The following TEAD1 variants were observed in gnomAD, a reference collection of about 807,000 sequenced individuals.
TEAD1 encodes TEA domain transcription factor 1, also known as transcriptional enhancer factor TEF-1.
TEAD1 carries 9 observed loss-of-function variants against 54.9 expected under a neutral mutation model. The observed-to-expected ratio is 0.16, with a 90% confidence interval of 0.10 to 0.29. The LOEUF is 0.29. TEAD1 is among the 10% of genes least tolerant of loss of function. The pLI, the probability that TEAD1 is intolerant of heterozygous loss-of-function variation, is 1.00. For missense variants in TEAD1, 387 were observed against 535.9 expected (o/e 0.72, Z 2.74); for synonymous variants, 200 against 187.8 (o/e 1.07, Z -0.53).
At chr11:12,742,306 G>T (rs887476518) in intron 2 of TEAD1, among the ~76,000 whole-genome samples, 4 of 152,150 alleles carry the variant, frequency 2.6e-5, no homozygotes, top group Admixed American at 2.6e-4. Flanking sequence ...GAATAACAGA[G>T]ATAGTAATAT....
At chr11:12,916,825 G>A (rs1589987237) in intron 10 of TEAD1, among the ~76,000 whole-genome samples, 2 of 152,314 alleles carry the variant, frequency 1.3e-5, no homozygotes, top group South Asian at 2.1e-4. Flanking sequence ...TGAATCTTGG[G>A]AAGCAAACAG....
intron 3 of TEAD1, among the ~76,000 whole-genome samples, chr11:12,821,757 C>A (rs930186507): frequency 6.6e-6 from 1 of 151,896 alleles, no homozygotes; most frequent in African/African-American, 2.4e-5. Context: ...AACCTATGGC[C>A]GGATATGAAT....
chr11:12,854,755 C>T (rs1947338574), intron 3 of TEAD1, among the ~76,000 whole-genome samples: 2 of 138,618 alleles, frequency 1.4e-5, no homozygotes, highest in Non-Finnish European at 3.1e-5. Context: ...CCAAGCCTGG[C>T]TGATTTTTTT....
chr11:12,691,903 T>G (rs542249392), intron 2 of TEAD1, among the ~76,000 whole-genome samples: 1 of 152,362 alleles, frequency 6.6e-6, no homozygotes, highest in Non-Finnish European at 1.5e-5. Context: ...TTTGTACTTC[T>G]TCTCCAAAGT....
rs756715430 is a variant in TEAD1 at position 12,903,046 on chromosome 11, G to A, written c.873+933G>A. Reference sequence around the variant, plus strand: ...CCCCCTTCCTCTGGGCTCTGCCTCAGGGGGCCTTATTCATATAGTGGCTTC... The same window carrying A: ...CCCCCTTCCTCTGGGCTCTGCCTCAAGGGGCCTTATTCATATAGTGGCTTC... On this transcript the variant is annotated intron_variant, in intron 10 of 12. Transcript: ENST00000527636. Among the ~76,000 whole-genome samples the A allele has an allele frequency of 4.6e-5, 7 of 152,168 alleles. No individual in the cohort carries two copies. In the East Asian group the frequency reaches 1.3e-3, roughly 29 times the overall value.
chr11:12,725,633 T>G (rs925947790), intron 2 of TEAD1, among the ~76,000 whole-genome samples: 5 of 152,060 alleles, frequency 3.3e-5, no homozygotes, highest in African/African-American at 1.2e-4. Flanking sequence ...TTAAAAAATA[T>G]GTGAGTGAAT....
Position 12,879,770 on chromosome 11 carries a change from C to T in TEAD1, c.393C>T (p.Val131=). 1 of 1,614,190 alleles carries T rather than the reference C, an allele frequency of 6.2e-7. No homozygotes were observed. Among genetic ancestry groups the T allele is most frequent in the Non-Finnish European group, 8.5e-7 (1 of 1,180,052 alleles). ...CGGCCATGTCCTCAGCCCAGATCGTCTCGGCCACTGCCATTCATAACAAGC... is the reference window on the plus strand; with the variant it reads ...CGGCCATGTCCTCAGCCCAGATCGTTTCGGCCACTGCCATTCATAACAAGC... Residue 131 remains valine (V), a synonymous_variant, in exon 6 of 13, where the codon GTC becomes GTT. Transcript: ENST00000527636.
intron 2 of TEAD1, among the ~76,000 whole-genome samples, chr11:12,723,136 T>C (rs1456948026): frequency 6.6e-6 from 1 of 152,212 alleles, no homozygotes; most frequent in Non-Finnish European, 1.5e-5. Flanking sequence ...GCTAAATTGC[T>C]TTCCAAAAGG....
intron 2 of TEAD1, among the ~76,000 whole-genome samples, chr11:12,752,144 T>G (rs998272025): frequency 6.6e-6 from 1 of 151,410 alleles, no homozygotes; most frequent in Admixed American, 6.6e-5. Flanking sequence ...AAAAGGCAAA[T>G]GTATTCAGAG....
intron 3 of TEAD1, among the ~76,000 whole-genome samples, chr11:12,840,222 G>C (rs1412684053): frequency 7.3e-6 from 1 of 136,864 alleles, no homozygotes; most frequent in East Asian, 2.2e-4. Context: ...ACTCCAGCCT[G>C]GGCGACAGAG....
In TEAD1 at chr11:12,800,399, A is replaced by G. The variant is rs572712807; in HGVS notation, c.202+35965A>G. On this transcript the variant is annotated intron_variant, in intron 3 of 12. Coordinates refer to ENST00000527636, the MANE Select transcript of TEAD1 (RefSeq NM_021961.6). ...ACAGCTATGTGCCAGGTACTGTGGT[A>G]GGTGCTCTGGAGAGAAATACAAATT... Among the ~76,000 whole-genome samples the G allele has an allele frequency of 1.4e-4, 22 of 152,336 alleles. 1 individual carries two copies. The East Asian group carries it at 4.0e-3, about 28-fold the overall frequency.
At chr11:12,770,993 T>C (rs1945300274) in intron 3 of TEAD1, among the ~76,000 whole-genome samples, 1 of 152,184 alleles carries the variant, frequency 6.6e-6, no homozygotes, top group East Asian at 1.9e-4. Flanking sequence ...ATGGACCCTT[T>C]CCCCCAGAAA....
intron 2 of TEAD1, among the ~76,000 whole-genome samples, chr11:12,722,360 T>C (rs935382776): frequency 1.3e-5 from 2 of 152,158 alleles, no homozygotes; most frequent in Non-Finnish European, 2.9e-5. Flanking sequence ...GTGCACACCA[T>C]GCACTGAGCC....
At chr11:12,705,629 G>GCCC (rs1943797631) in intron 2 of TEAD1, among the ~76,000 whole-genome samples, 1 of 152,212 alleles carries the variant, frequency 6.6e-6, no homozygotes, top group African/African-American at 2.4e-5. Context: ...AGGTAAGATT[G>GCCC]CAGGAATGAT....
At chr11:12,868,238 A>C (rs1436122590) in intron 5 of TEAD1, among the ~76,000 whole-genome samples, 1 of 152,190 alleles carries the variant, frequency 6.6e-6, no homozygotes, top group East Asian at 1.9e-4. Context: ...AGCAAAACTC[A>C]TGTTTTGAAT....
At chr11:12,703,311 A>G (rs1203421631) in intron 2 of TEAD1, among the ~76,000 whole-genome samples, 7 of 152,132 alleles carry the variant, frequency 4.6e-5, no homozygotes, top group Non-Finnish European at 1.0e-4. Context: ...CTGACAATAC[A>G]TGTAACATAG....
intron 3 of TEAD1, among the ~76,000 whole-genome samples, chr11:12,818,939 G>C (rs1489157792): frequency 6.6e-6 from 1 of 152,178 alleles, no homozygotes; most frequent in Non-Finnish European, 1.5e-5. Flanking sequence ...CAAAACATAG[G>C]CTAGAGTAAC....
At chr11:12,812,413 G>A (rs187586485) in intron 3 of TEAD1, among the ~76,000 whole-genome samples, 1 of 152,262 alleles carries the variant, frequency 6.6e-6, no homozygotes, top group East Asian at 1.9e-4. Context: ...ACTATTTGCT[G>A]GTCACTGGAG....
chr11:12,908,883 G>GTTTTT (rs60042137), intron 10 of TEAD1, among the ~76,000 whole-genome samples: 4,050 of 99,560 alleles, frequency 0.041, 338 homozygotes, highest in African/African-American at 0.12. Flanking sequence ...CAAATTATCT[G>GTTTTT]TTTTTTTTTT....
Sources: allele counts gnomAD v4.1 joint callset (sites outside exome capture counted in the v4.1 genomes callset), GRCh38; gene constraint gnomAD v4.1.1; transcripts MANE v1.5; gene names NCBI Gene and HGNC (gene_info 2026-07-23, HGNC 2026-07-21).